The following NOTCH4 variants were observed in gnomAD, a reference collection of about 807,000 sequenced individuals.
NOTCH4 encodes notch receptor 4, also known as neurogenic locus notch homolog protein 4.
In NOTCH4, 138 loss-of-function variants were observed where a neutral mutation model predicts 189.0. That is an observed-to-expected ratio of 0.73 (90% CI 0.64 to 0.84). The LOEUF (loss-of-function observed/expected upper bound fraction) is 0.84, where lower values mean the gene tolerates loss of function less well. NOTCH4 is among the 40% of genes least tolerant of loss of function. The pLI is 0.00. For missense variants in NOTCH4, 2,286 were observed against 2,605.4 expected (o/e 0.88, Z 2.67); for synonymous variants, 942 against 1,032.8 (o/e 0.91, Z 1.69).
In NOTCH4 at chr6:32,220,567, G is replaced by T; in HGVS notation, c.997C>A (p.Gln333Lys). ...PPHCRNGGTC[Q>K]NSAGSFHCVC... ...CAGTGAAAGCTACCAGCAGAGTTCT[G>T]GCAGGTGCCCCCGTTTCTGCAGTGA... Residue 333 changes from glutamine to lysine, a missense_variant, in exon 6 of 30, where the codon CAG becomes AAG. This residue lies in a region of NOTCH4 where 1,903 missense variants were observed against 2,261.9 expected (regional missense o/e 0.84). Coordinates refer to ENST00000375023, the MANE Select transcript of NOTCH4 (RefSeq NM_004557.4). 1 of 1,613,984 alleles carries T rather than the reference G, an allele frequency of 6.2e-7. No homozygotes were observed.
rs767942199 is a variant in NOTCH4, at chr6:32,201,339, G to A, written c.3917C>T (p.Pro1306Leu). 1 of 1,611,078 alleles carries A rather than the reference G, an allele frequency of 6.2e-7. No individual in the cohort carries two copies. The highest frequency in any genetic ancestry group is 8.5e-7 in the Non-Finnish European group (1 of 1,178,820). ...GGCAAACAGCTGCTGGTCTAGGGCTGGGGGGCTCAGTACCACCAGCAGGGC... is the reference window on the plus strand; with the variant it reads ...GGCAAACAGCTGCTGGTCTAGGGCTAGGGGGCTCAGTACCACCAGCAGGGC... ...SLALLVVLSP[P>L]ALDQQLFALA... is the part of the protein sequence containing the mutation. The change falls in exon 22 of 30, where the codon CCA becomes CTA. Residue 1306 changes from proline (P) to leucine (L), a missense_variant. Pro to Leu is a moderately conservative substitution (Grantham distance 98, BLOSUM62 -3). Around this residue, in one of 2 missense-constraint regions of NOTCH4, gnomAD observed 1,903 missense variants for 2,261.9 expected, o/e 0.84. Coordinates refer to ENST00000375023, the MANE Select transcript of NOTCH4 (RefSeq NM_004557.4). The surrounding 1 kb of genome is among the most constrained non-coding windows in gnomAD (Gnocchi z 5.5).
chr6:32,200,783 A>T lies in NOTCH4; in HGVS notation c.4315+48T>A. The T allele has an allele frequency of 6.7e-7, 1 of 1,483,230 alleles. No individual in the cohort carries two copies. The highest frequency in any genetic ancestry group is 2.4e-5 in the East Asian group (1 of 41,846). 91.9% of individuals were successfully genotyped at this position (1,483,230 alleles called of 1,614,324 possible). A position where few individuals can be genotyped will look rare whatever the true frequency, so the allele number is the denominator to read the frequency against. On this transcript the variant is annotated intron_variant, in intron 23 of 29. Coordinates refer to ENST00000375023, the MANE Select transcript of NOTCH4 (RefSeq NM_004557.4). This position sits in a 1 kb window ranked among gnomAD's most constrained non-coding sequence, Gnocchi z 5.0. ...CTCCATTGCCTGTTGCTAGCATGAG[A>T]GCTGGCCTGGGAACAGAGGTCAGAG...
At position 32,204,281 on chromosome 6, in the gene NOTCH4, A is replaced by G; in HGVS notation, c.2974T>C (p.Cys992Arg). The change falls in exon 19 of 30, where the codon TGT (cysteine) becomes CGT (arginine). Residue 992 changes from cysteine (C) to arginine (R), a missense_variant. Cys to Arg is a radical substitution (Grantham distance 180, BLOSUM62 -3). Transcript: ENST00000375023. ...CCCACAAAGCCTGGAGGGCAGGCAC[A>G]GTGGAATCCTCCAGGTTTGGGAGTA... Reference protein sequence around the residue: ...TCTPKPGGFHCACPPGFVGLR... With the variant: ...TCTPKPGGFHRACPPGFVGLR... 2 of 1,613,100 alleles carry G rather than the reference A, an allele frequency of 1.2e-6. No homozygotes were observed. The highest frequency in any genetic ancestry group is 1.7e-6 in the Non-Finnish European group (2 of 1,180,038).
At position 32,221,834 on chromosome 6, in the gene NOTCH4, G is replaced by A. The variant is rs952524042; in HGVS notation, c.452-509C>T. ...GCTGAGCAAGCATCTCCTGAGCATC[G>A]GCCCCTTCTGTCCTCTCAGCAACCT... On this transcript the variant is annotated intron_variant, in intron 3 of 29. Transcript: ENST00000375023. This position sits in a 1 kb window ranked among gnomAD's most constrained non-coding sequence, Gnocchi z 4.3. 3.3e-5 allele frequency among the ~76,000 whole-genome samples: 5 copies of A among 152,102 alleles called. No homozygotes were observed. Among genetic ancestry groups the A allele is most frequent in the Non-Finnish European group, 7.3e-5 (5 of 68,030 alleles).
At position 32,196,089 on chromosome 6, in the gene NOTCH4, A is replaced by G; in HGVS notation, c.5360T>C (p.Leu1787Pro). 1 of 1,593,086 alleles carries G rather than the reference A, an allele frequency of 6.3e-7. No homozygotes were observed. The highest frequency in any genetic ancestry group is 8.5e-7 in the Non-Finnish European group (1 of 1,176,882). Residue 1787 changes from leucine (L) to proline (P), a missense_variant, in exon 30 of 30, where the codon CTG (leucine) becomes CCG (proline). Around this residue, in one of 2 missense-constraint regions of NOTCH4, gnomAD observed 383 missense variants for 343.5 expected, o/e 1.11. Coordinates refer to ENST00000375023, the MANE Select transcript of NOTCH4 (RefSeq NM_004557.4). ...CAGCTCTCGGGCTGCCCCCAGCCCC[A>G]GCAGTAGCTGGGCTACTTCCACCGC... ...EGAVEVAQLL[L>P]GLGAARELRD...
chr6:32,195,626 T>C lies in NOTCH4; in HGVS notation c.5823A>G (p.Gly1941=). The C allele has an allele frequency of 6.2e-7, 1 of 1,612,958 alleles. No individual in the cohort carries two copies. The highest frequency in any genetic ancestry group is 8.5e-7 in the Non-Finnish European group (1 of 1,179,956). Residue 1941 remains glycine, a synonymous_variant, in exon 30 of 30, where the codon GGA becomes GGG. Transcript: ENST00000375023. The surrounding 1 kb of genome is among the most constrained non-coding windows in gnomAD (Gnocchi z 5.4). ...GCCAGTCATCCGTTGAGACCCTGCCTCCGCGCCCGGCAGCCACTCCGTATC... is the reference window on the plus strand; with the variant it reads ...GCCAGTCATCCGTTGAGACCCTGCCCCCGCGCCCGGCAGCCACTCCGTATC... ...RGRYGVAAGR[G]GRVSTDDWPC...
rs752540222 is a variant in NOTCH4, at chr6:32,195,507, G to C, written c.5942C>G (p.Pro1981Arg). Residue 1981 changes from proline (P) to arginine (R), a missense_variant, in exon 30 of 30, where the codon CCT (proline) becomes CGT (arginine). By Grantham distance (103) the Pro-to-Arg change is moderately radical (BLOSUM62 -2). Around this residue, in one of 2 missense-constraint regions of NOTCH4, gnomAD observed 383 missense variants for 343.5 expected, o/e 1.11. Coordinates refer to ENST00000375023, the MANE Select transcript of NOTCH4 (RefSeq NM_004557.4). The surrounding 1 kb of genome is among the most constrained non-coding windows in gnomAD (Gnocchi z 5.4). ...GGCTGGGGGACCACAGTCAAGTTGA[G>C]GTGATCCCCGCTCCGGGGACGGAGT... ...CLTPSPERGS[P>R]QLDCGPPALQ... The C allele has an allele frequency of 6.2e-7, 1 of 1,612,860 alleles. No homozygotes were observed. The highest frequency in any genetic ancestry group is 1.3e-5 in the African/African-American group (1 of 74,926).
Position 32,220,576 on chromosome 6 carries a change from C to T in NOTCH4, c.988G>A (p.Gly330Ser), listed in dbSNP as rs2127487704. ...TQGPPHCRNG[G>S]TCQNSAGSFH... ...CTACCAGCAGAGTTCTGGCAGGTGC[C>T]CCCGTTTCTGCAGTGAGGGGGACCC... The change falls in exon 6 of 30, where the codon GGC (glycine) becomes AGC (serine). Residue 330 changes from glycine (G) to serine (S), a missense_variant. Physicochemically the swap from Gly to Ser is moderately conservative, Grantham distance 56 (BLOSUM62 0). This residue lies in a region of NOTCH4 where 1,903 missense variants were observed against 2,261.9 expected (regional missense o/e 0.84). Transcript: ENST00000375023. The T allele has an allele frequency of 6.2e-7, 1 of 1,614,010 alleles. No homozygotes were observed.
At chr6:32,215,087 G>C (rs1789313987) in intron 12 of NOTCH4, 139 bp downstream of exon 12, 2 of 758,936 alleles carry the variant, frequency 2.6e-6, no homozygotes, top group Non-Finnish European at 4.1e-6. Flanking sequence ...CCACTGCCTT[G>C]CCCTAAGAAC....
Position 32,202,324 on chromosome 6 carries a change from C to T in NOTCH4, c.3507G>A (p.Arg1169=). 1.2e-6 allele frequency: 2 copies of T among 1,612,838 alleles called. No individual in the cohort carries two copies. The highest frequency in any genetic ancestry group is 8.5e-7 in the Non-Finnish European group (1 of 1,179,880). ...ACCCCTTGGCTCCGGGTTTCTGACA[C>T]CGGGGCCCTGGAGAGCTGTGAGGGC... ...CSCPHSSPGP[R]CQKPGAKGCE... Residue 1169 remains arginine (R), a synonymous_variant, in exon 21 of 30, where the codon CGG becomes CGA. Transcript: ENST00000375023. This position sits in a 1 kb window ranked among gnomAD's most constrained non-coding sequence, Gnocchi z 5.7.
chr6:32,221,365 C>G lies in NOTCH4; in HGVS notation c.452-40G>C. On this transcript the variant is annotated intron_variant, in intron 3 of 29. Coordinates refer to ENST00000375023, the MANE Select transcript of NOTCH4 (RefSeq NM_004557.4). The surrounding 1 kb of genome is among the most constrained non-coding windows in gnomAD (Gnocchi z 4.3). ...AGAGGGAGCCGTTTCTAGCATTGTA[C>G]GAATTCTAGCCCATCTGAGGTTACC... 1 of 1,498,636 alleles carries G rather than the reference C, an allele frequency of 6.7e-7. No individual in the cohort carries two copies. The highest frequency in any genetic ancestry group is 9.2e-7 in the Non-Finnish European group (1 of 1,089,482). 92.8% of individuals were successfully genotyped at this position (1,498,636 alleles called of 1,614,324 possible).
Position 32,220,213 on chromosome 6 carries a change from G to T in NOTCH4, c.1231C>A (p.Pro411Thr), listed in dbSNP as rs1789663002. Reference protein sequence around the residue: ...CHGDAQCSTNPLTGSTLCLCQ... With the variant: ...CHGDAQCSTNTLTGSTLCLCQ... ...AGGCAGAGTGTGGAGCCTGTGAGGG[G>T]GTTGGTGCTGCATTGGGCATCCCCA... The change falls in exon 7 of 30, where the codon CCC becomes ACC. Residue 411 changes from proline to threonine, a missense_variant. Pro to Thr is a conservative substitution (Grantham distance 38). This residue lies in a region of NOTCH4 where 1,903 missense variants were observed against 2,261.9 expected (regional missense o/e 0.84). Coordinates refer to ENST00000375023, the MANE Select transcript of NOTCH4 (RefSeq NM_004557.4). 1.2e-6 allele frequency: 2 copies of T among 1,613,916 alleles called. No homozygotes were observed. The highest frequency in any genetic ancestry group is 1.7e-5 in the Admixed American group (1 of 59,952).
intron 1 of NOTCH4, 137 bp downstream of exon 1, chr6:32,223,719 C>T (rs375680387): frequency 8.8e-5 from 78 of 891,350 alleles, no homozygotes; most frequent in African/African-American, 8.3e-4. Flanking sequence ...CCCTGGAGGC[C>T]GTCTCTATTT....
chr6:32,196,780 C>G lies in NOTCH4; in HGVS notation c.5200+145G>C. 4 of 1,091,308 alleles carry G rather than the reference C, an allele frequency of 3.7e-6. No homozygotes were observed. The South Asian group carries it at 5.6e-5, about 15-fold the overall frequency. The allele number at this position is 1,091,308 out of a possible 1,614,324, so 67.6% of individuals were successfully genotyped here. On this transcript the variant is annotated intron_variant, in intron 28 of 29. Coordinates refer to ENST00000375023, the MANE Select transcript of NOTCH4 (RefSeq NM_004557.4). ...AGTTGGGGGGGGAAACTCACGCGGC[C>G]CGTACTTCCACCGCATCTCAGATTG...
chr6:32,195,610 C>T lies in NOTCH4; in HGVS notation c.5839G>A (p.Asp1947Asn), dbSNP rs1787821345. ...AAGRGGRVST[D>N]DWPCDWVALG... ...GCCACCCAATCACAGGGCCAGTCAT[C>T]CGTTGAGACCCTGCCTCCGCGCCCG... is the stretch of plus-strand genomic sequence containing the variant. Residue 1947 changes from aspartate (D) to asparagine (N), a missense_variant, in exon 30 of 30, where the codon GAT becomes AAT. By Grantham distance (23) the Asp-to-Asn change is conservative. Around this residue, in one of 2 missense-constraint regions of NOTCH4, gnomAD observed 383 missense variants for 343.5 expected, o/e 1.11. Coordinates refer to ENST00000375023, the MANE Select transcript of NOTCH4 (RefSeq NM_004557.4). The surrounding 1 kb of genome is among the most constrained non-coding windows in gnomAD (Gnocchi z 5.4). The T allele has an allele frequency of 1.2e-6, 2 of 1,612,966 alleles. No individual in the cohort carries two copies. The highest frequency in any genetic ancestry group is 2.7e-5 in the African/African-American group (2 of 74,930).
chr6:32,214,400 C>T (rs1789242044), intron 12 of NOTCH4, 145 bp from the exon 13 acceptor site: 2 of 729,958 alleles, frequency 2.7e-6, no homozygotes, highest in Admixed American at 2.9e-5. Context: ...TCAGCACCGC[C>T]CCCATCCTCC....
In NOTCH4 at chr6:32,201,849, T is replaced by A. The variant is rs1788370396; in HGVS notation, c.3755+227A>T. 2.4e-6 allele frequency: 1 copy of A among 424,580 alleles called. No homozygotes were observed. 26.3% of individuals were successfully genotyped at this position (424,580 alleles called of 1,614,324 possible). On this transcript the variant is annotated intron_variant, in intron 21 of 29. Transcript: ENST00000375023. This position sits in a 1 kb window ranked among gnomAD's most constrained non-coding sequence, Gnocchi z 5.5. ...GGCTTGAGACCTGAGTTCCTTCAACTCTTAGAGAGGAGCCCAAAGGCCACG... is the reference window on the plus strand; with the variant it reads ...GGCTTGAGACCTGAGTTCCTTCAACACTTAGAGAGGAGCCCAAAGGCCACG...
In NOTCH4 at chr6:32,197,432, A is replaced by T. The variant is rs748019252; in HGVS notation, c.4919T>A (p.Leu1640Gln). The T allele has an allele frequency of 4.2e-5, 65 of 1,551,798 alleles. 1 individual carries two copies. Among genetic ancestry groups the T allele is most frequent in the South Asian group, 3.6e-4 (30 of 82,192 alleles). The change falls in exon 27 of 30, where the codon CTG (leucine) becomes CAG (glutamine). Residue 1640 changes from leucine (L) to glutamine (Q), a missense_variant. Physicochemically the swap from Leu to Gln is moderately radical, Grantham distance 113. Transcript: ENST00000375023. ...GGTTGGCCGGGAGAATCGGGCAGCCAGGTGCAGGGGGGTCTCCCCAGTGCC... is the reference window on the plus strand; with the variant it reads ...GGTTGGCCGGGAGAATCGGGCAGCCTGGTGCAGGGGGGTCTCCCCAGTGCC... ...TVGTGETPLH[L>Q]AARFSRPTAA...
Position 32,215,255 on chromosome 6 carries a change from G to A in NOTCH4, c.1992C>T (p.Asn664=), listed in dbSNP as rs1190285943. The A allele has an allele frequency of 6.2e-7, 1 of 1,604,584 alleles. No individual in the cohort carries two copies. Among genetic ancestry groups the A allele is most frequent in the Non-Finnish European group, 8.5e-7 (1 of 1,176,784 alleles). Residue 664 remains asparagine (N), a synonymous_variant, in exon 12 of 30, where the codon AAC becomes AAT. Coordinates refer to ENST00000375023, the MANE Select transcript of NOTCH4 (RefSeq NM_004557.4). The stretch of plus-strand genomic sequence containing the variant: ...GGCAGTGCCCGTGGTGGCAGGTGCA[G>A]TTGTCCTCAGGTGGGGCACAGCCAG... ...GSPGCAPPED[N]CTCHHGHCQR...
Sources: gnomAD v4.1 joint callset for allele counts (sites outside exome capture counted in the v4.1 genomes callset) on GRCh38, gnomAD v4.1.1 for gene constraint, gnomAD v4.1.1 regional missense constraint, Gnocchi (gnomAD v3.1) non-coding constraint, MANE v1.5 for transcripts, NCBI Gene and HGNC (gene_info 2026-07-23, HGNC 2026-07-21) for gene names.